The following TRAPPC11 variants were observed in gnomAD, a reference collection of about 807,000 sequenced individuals.
TRAPPC11 encodes trafficking protein particle complex subunit 11.
Under a neutral mutation model 151.2 loss-of-function variants are expected in TRAPPC11, and 104 were observed. That is an observed-to-expected ratio of 0.69 (90% confidence interval 0.59 to 0.81). The LOEUF is 0.81. Among genes scored for constraint, TRAPPC11 ranks in the 30% least tolerant of loss-of-function variants. TRAPPC11 has a pLI of 0.00. For synonymous variants in TRAPPC11, 456 were observed against 472.3 expected (o/e 0.97, Z 0.45); for missense variants, 1,230 against 1,349.6 (o/e 0.91, Z 1.39).
intron 1 of TRAPPC11, among the ~76,000 whole-genome samples, chr4:183,661,361 C>CTTT (rs139201416): frequency 0.013 from 1,054 of 79,462 alleles, 7 homozygotes; most frequent in East Asian, 0.02. Flanking sequence ...TGTAGATTAC[C>CTTT]TTTTTTTTTT....
Position 183,667,084 on chromosome 4 carries a change from A to G in TRAPPC11, c.399A>G (p.Thr133=), listed in dbSNP as rs774078744. 40 of 1,599,998 alleles carry G rather than the reference A, an allele frequency of 2.5e-5. No homozygotes were observed. Among genetic ancestry groups the G allele is most frequent in the Non-Finnish European group, 3.4e-5 (40 of 1,170,936 alleles). ...GGCAAAGTTTACAAGGAAGAAACACAAAAGTTGCAGTGGTTCTGATTCAGA... is the reference window on the plus strand; with the variant it reads ...GGCAAAGTTTACAAGGAAGAAACACGAAAGTTGCAGTGGTTCTGATTCAGA... ...IVRQSLQGRN[T]KVAVVLIQKK... Residue 133 remains threonine (T), a synonymous_variant, in exon 4 of 30, where the codon ACA becomes ACG. Coordinates refer to ENST00000334690, the MANE Select transcript of TRAPPC11 (RefSeq NM_021942.6).
chr4:183,679,165 A>G (rs907759415), intron 8 of TRAPPC11, among the ~76,000 whole-genome samples, 188 bp from the exon 9 acceptor site: 2 of 152,226 alleles, frequency 1.3e-5, no homozygotes, highest in African/African-American at 4.8e-5. Flanking sequence ...TCATTTCTAA[A>G]AGGGATATAT....
chr4:183,691,240 A>G, intron 18 of TRAPPC11, 76 bp from the exon 19 acceptor site: 1 of 1,194,820 alleles, frequency 8.4e-7, no homozygotes, highest in Non-Finnish European at 1.1e-6. Context: ...GAGTTATACT[A>G]AATGAGCTCC....
chr4:183,693,015 A>T lies in TRAPPC11; in HGVS notation c.2105A>T (p.Asn702Ile). 4 of 1,613,692 alleles carry T rather than the reference A, an allele frequency of 2.5e-6. No homozygotes were observed. The highest frequency in any genetic ancestry group is 8.5e-7 in the Non-Finnish European group (1 of 1,179,814). The change falls in exon 20 of 30, where the codon AAT (asparagine) becomes ATT (isoleucine). Residue 702 changes from asparagine (N) to isoleucine (I), a missense_variant. Physicochemically the swap from Asn to Ile is moderately radical, Grantham distance 149. Coordinates refer to ENST00000334690, the MANE Select transcript of TRAPPC11 (RefSeq NM_021942.6). ...GAGACGGGAAGATGTGTGGTTTTAA[A>T]TTGGCAGGGAGGAGGAGGAGATGCT... ...GNETGRCVVL[N>I]WQGGGGDAAS...
chr4:183,684,954 T>G lies in TRAPPC11; in HGVS notation c.1567+113T>G, dbSNP rs1266297779. The G allele has an allele frequency of 3.1e-6, 4 of 1,292,544 alleles. No homozygotes were observed. In the South Asian group the frequency reaches 5.5e-5, roughly 18 times the overall value. 80.1% of individuals were successfully genotyped at this position (1,292,544 alleles called of 1,614,324 possible). ...CCCAGATAATTAGTATACTTTACTA[T>G]GTGCAAATCACTGTGCTTAGTCATC... On this transcript the variant is annotated intron_variant, in intron 15 of 29. Coordinates refer to ENST00000334690, the MANE Select transcript of TRAPPC11 (RefSeq NM_021942.6).
At chr4:183,709,464 T>C (rs560512835) in intron 29 of TRAPPC11, among the ~76,000 whole-genome samples, 13 of 152,298 alleles carry the variant, frequency 8.5e-5, no homozygotes, top group Admixed American at 7.2e-4. Flanking sequence ...CAAGCTCCTA[T>C]TCCACACCAT....
intron 18 of TRAPPC11, among the ~76,000 whole-genome samples, chr4:183,687,005 C>G (rs1015717938): frequency 2.0e-5 from 3 of 151,986 alleles, no homozygotes; most frequent in Middle Eastern, 3.2e-3. Context: ...ATGGTGAAAC[C>G]CCGTCTCTAC....
intron 2 of TRAPPC11, 45 bp downstream of exon 2, chr4:183,664,116 ATGTG>A (rs368983109): frequency 2.6e-5 from 29 of 1,103,276 alleles, no homozygotes; most frequent in Middle Eastern, 2.6e-4. Context: ...CTCTCTCTCT[ATGTG>A]TGTGTGTGTG....
In TRAPPC11 at chr4:183,712,527, T is replaced by C. The variant is rs59570236; in HGVS notation, c.3358-73T>C. ...TAAAACAGTTTCAAGAATTTAAAAA[T>C]CCTTCCAGTTAATAGAGCTTTTGTT... On this transcript the variant is annotated intron_variant, in intron 29 of 29. Transcript: ENST00000334690. The C allele has an allele frequency of 4.6e-3, 6,416 of 1,389,402 alleles. 250 individuals carry two copies. In the African/African-American group the frequency reaches 0.08, roughly 17 times the overall value. The allele number at this position is 1,389,402 out of a possible 1,614,324, so 86.1% of individuals were successfully genotyped here.
In TRAPPC11 at chr4:183,698,102, G is replaced by T. The variant is rs554445309; in HGVS notation, c.2851+267G>T. On this transcript the variant is annotated intron_variant, in intron 25 of 29. Coordinates refer to ENST00000334690, the MANE Select transcript of TRAPPC11 (RefSeq NM_021942.6). ...ACTTTGAAAATGTACTTCACAAAAA[G>T]AATTTTTTTTTCATTTTTGAACTTT... 3.3e-5 allele frequency among the ~76,000 whole-genome samples: 5 copies of T among 151,896 alleles called. 1 individual carries two copies. The highest frequency in any genetic ancestry group is 2.1e-4 in the South Asian group (1 of 4,816).
chr4:183,670,441 G>T (rs1485470177), intron 5 of TRAPPC11, among the ~76,000 whole-genome samples: 1 of 152,168 alleles, frequency 6.6e-6, no homozygotes, highest in East Asian at 1.9e-4. Context: ...TAGGCTGTCT[G>T]TGTCATGCTT....
At chr4:183,709,673 G>C (rs923408536) in intron 29 of TRAPPC11, among the ~76,000 whole-genome samples, 1 of 152,140 alleles carries the variant, frequency 6.6e-6, no homozygotes, top group Non-Finnish European at 1.5e-5. Context: ...TACTTGGGAG[G>C]CTGAGGCAGG....
intron 26 of TRAPPC11, among the ~76,000 whole-genome samples, chr4:183,703,403 C>T (rs1199690508): frequency 6.6e-6 from 1 of 151,968 alleles, no homozygotes; most frequent in South Asian, 2.1e-4. Flanking sequence ...CTGAATTTAC[C>T]ATATTGATGT....
intron 21 of TRAPPC11, 83 bp from the exon 22 acceptor site, chr4:183,693,834 G>GATAC: frequency 6.3e-7 from 1 of 1,594,130 alleles, no homozygotes; most frequent in Non-Finnish European, 8.6e-7. Flanking sequence ...AAGAGGGTAT[G>GATAC]GCATAGTGCT....
intron 19 of TRAPPC11, among the ~76,000 whole-genome samples, chr4:183,692,370 TAA>T (rs33971588): frequency 0.064 from 9,372 of 146,644 alleles, 354 homozygotes; most frequent in East Asian, 0.13. Context: ...GCTTATTCAT[TAA>T]AAAAAAAAAA....
At chr4:183,711,293 C>T (rs1400395637) in intron 29 of TRAPPC11, among the ~76,000 whole-genome samples, 1 of 152,170 alleles carries the variant, frequency 6.6e-6, no homozygotes, top group African/African-American at 2.4e-5. Context: ...ATTAAATTTG[C>T]TTAGTTACAC....
At chr4:183,662,834 C>G (rs542473686) in intron 1 of TRAPPC11, among the ~76,000 whole-genome samples, 3 of 151,864 alleles carry the variant, frequency 2.0e-5, no homozygotes, top group East Asian at 1.9e-4. Context: ...TTCTTGCTTT[C>G]TTGGTCTACT....
intron 18 of TRAPPC11, among the ~76,000 whole-genome samples, chr4:183,688,038 T>A (rs1281174543): frequency 6.6e-6 from 1 of 152,240 alleles, no homozygotes; most frequent in African/African-American, 2.4e-5. Flanking sequence ...GATAATCATC[T>A]TTTGATTACC....
Position 183,663,883 on chromosome 4 carries a change from T to C in TRAPPC11, c.16T>C (p.Trp6Arg), listed in dbSNP as rs981293069. ...CATCGTAAACATGAGCCCCACACAG[T>C]GGGACTTCCCTGTGGAATTATGTTG... MSPTQ[W>R]DFPVELCCRP... Residue 6 changes from tryptophan (W) to arginine (R), a missense_variant, in exon 2 of 30, where the codon TGG (tryptophan) becomes CGG (arginine). By Grantham distance (101) the Trp-to-Arg change is moderately radical. Transcript: ENST00000334690. The C allele has an allele frequency of 1.9e-6, 3 of 1,613,960 alleles. No homozygotes were observed. The East Asian group carries it at 6.7e-5, about 36-fold the overall frequency.
Sources: gnomAD v4.1 joint callset for allele counts (sites outside exome capture counted in the v4.1 genomes callset) on GRCh38, gnomAD v4.1.1 for gene constraint, MANE v1.5 for transcripts, NCBI Gene and HGNC (gene_info 2026-07-23, HGNC 2026-07-21) for gene names.